ANP32A: variants seen among roughly 807,000 people sequenced by gnomAD.
ANP32A encodes the protein acidic leucine-rich nuclear phosphoprotein 32 family member A.
Under a neutral mutation model 33.9 loss-of-function variants are expected in ANP32A, and 1 was observed. The observed-to-expected ratio is 0.03, with a 90% CI of 0.01 to 0.14. The LOEUF (loss-of-function observed/expected upper bound fraction) is 0.14. Ranked by LOEUF, ANP32A falls within the 10% of genes least tolerant of loss-of-function variation. ANP32A has a pLI of 1.00. For synonymous variants in ANP32A, 115 were observed against 120.5 expected (o/e 0.95, Z 0.30); for missense variants, 155 against 306.0 (o/e 0.51, Z 3.68).
chr15:68,792,173 G>A (rs1201762598), intron 1 of ANP32A: 3 of 151,198 alleles, frequency 2.0e-5, no homozygotes, highest in Admixed American at 6.6e-5. Flanking sequence ...CAAGTCCTGG[G>A]TGTGAGTGAA....
chr15:68,816,736 G>T (rs771970192), intron 1 of ANP32A, among the ~76,000 whole-genome samples: 11 of 152,150 alleles, frequency 7.2e-5, no homozygotes, highest in African/African-American at 1.2e-4. Context: ...ACAAGGGCAG[G>T]TAAACGTATC....
intron 1 of ANP32A, chr15:68,818,286 C>T (rs1286805851): frequency 7.5e-6 from 2 of 267,290 alleles, no homozygotes; most frequent in Non-Finnish European, 1.6e-5. Context: ...TGGCCACCAG[C>T]TCCCGGAGCC....
rs970501708 is a variant in ANP32A, at chr15:68,784,206, T to G, written c.526+191A>C. ...AACCAATGAGACAGATTAGGGACTATGGAAAACAAAGCAGACAGCCCTACT... is the reference window on the plus strand; with the variant it reads ...AACCAATGAGACAGATTAGGGACTAGGGAAAACAAAGCAGACAGCCCTACT... On this transcript the variant is annotated intron_variant, in intron 4 of 6. Coordinates refer to ENST00000465139, the MANE Select transcript of ANP32A (RefSeq NM_006305.4). 4 of 631,868 alleles carry G rather than the reference T, an allele frequency of 6.3e-6. No individual in the cohort carries two copies. The African/African-American group carries it at 7.3e-5, about 12-fold the overall frequency. The allele number at this position is 631,868 out of a possible 1,614,324, so 39.1% of individuals were successfully genotyped here.
intron 1 of ANP32A, chr15:68,789,606 T>G (rs557628909): frequency 1.3e-5 from 2 of 152,552 alleles, no homozygotes; most frequent in South Asian, 4.1e-4. Context: ...CTCAGCCCCC[T>G]CTTGCCAGTG....
At chr15:68,815,077 T>G (rs1363525180) in intron 1 of ANP32A, among the ~76,000 whole-genome samples, 1 of 152,224 alleles carries the variant, frequency 6.6e-6, no homozygotes, top group Admixed American at 6.5e-5. Flanking sequence ...TCTCTTCCTA[T>G]GGAGGTTCCT....
chr15:68,808,151 T>C (rs1182838135), intron 1 of ANP32A, among the ~76,000 whole-genome samples: 2 of 152,224 alleles, frequency 1.3e-5, no homozygotes. Flanking sequence ...TACTTCTTCC[T>C]ACCTGCTGTG....
intron 1 of ANP32A, chr15:68,818,102 C>T (rs1020830095): frequency 6.5e-6 from 1 of 153,392 alleles, no homozygotes; most frequent in African/African-American, 2.4e-5. Context: ...TAGAAAGCCA[C>T]AAGGCCGGCC....
In ANP32A at chr15:68,807,429, G is replaced by GGC. The variant is rs1555424026; in HGVS notation, c.54+13268_54+13269insGC. ...TCCCGCCCCACCTCCACAGAAAACGGGGGGGGGGGAGTCTCTCCTTTGCCC... is the reference window on the plus strand; with the variant it reads ...TCCCGCCCCACCTCCACAGAAAACGGGCGGGGGGGGGAGTCTCTCCTTTGCCC... On this transcript the variant is annotated intron_variant, in intron 1 of 6. Transcript: ENST00000465139. Among the ~76,000 whole-genome samples, 53 of 131,578 alleles carry GGC rather than the reference G, an allele frequency of 4.0e-4. 2 individuals carry two copies. Among genetic ancestry groups the GGC allele is most frequent in the South Asian group, 1.7e-3 (7 of 4,100 alleles). 86.3% of individuals were successfully genotyped at this position (131,578 alleles called of 152,430 possible). A position where few individuals can be genotyped will look rare whatever the true frequency, so the allele number is the denominator to read the frequency against.
intron 1 of ANP32A, among the ~76,000 whole-genome samples, chr15:68,796,947 C>T (rs1212189386): frequency 6.6e-6 from 1 of 152,062 alleles, no homozygotes; most frequent in African/African-American, 2.4e-5. Flanking sequence ...AAGAACGTGG[C>T]CAATTTCATG....
chr15:68,795,418 G>C (rs1894051208), intron 1 of ANP32A, among the ~76,000 whole-genome samples: 1 of 152,216 alleles, frequency 6.6e-6, no homozygotes, highest in South Asian at 2.1e-4. Flanking sequence ...GGGAGCCAAG[G>C]AACACAAGCT....
intron 1 of ANP32A, among the ~76,000 whole-genome samples, chr15:68,792,913 C>G (rs1894016345): frequency 6.6e-6 from 1 of 152,182 alleles, no homozygotes; most frequent in South Asian, 2.1e-4. Flanking sequence ...CTTCTCACTG[C>G]CTTGGGAAAA....
chr15:68,781,948 CGGCT>C (rs1301099100), intron 5 of ANP32A, among the ~76,000 whole-genome samples: 1 of 152,124 alleles, frequency 6.6e-6, no homozygotes, highest in East Asian at 1.9e-4. Flanking sequence ...AAGCCTGGGC[CGGCT>C]GGCTGGAACT....
rs1047042232 is a variant in ANP32A at position 68,780,881 on chromosome 15, TG to T, written c.625-409del. 1 of 164,368 alleles carries T rather than the reference TG, an allele frequency of 6.1e-6. No individual in the cohort carries two copies. The highest frequency in any genetic ancestry group is 2.4e-5 in the African/African-American group (1 of 41,618). 10.2% of individuals were successfully genotyped at this position (164,368 alleles called of 1,614,324 possible). On this transcript the variant is annotated intron_variant, in intron 5 of 6. Coordinates refer to ENST00000465139, the MANE Select transcript of ANP32A (RefSeq NM_006305.4). This position sits in a 1 kb window ranked among gnomAD's most constrained non-coding sequence, Gnocchi z 4.3. ...AAAGTAGGCCATCCTTTCTTGCATC[TG>T]TCCTCAATCTAGTTTTGGCTTCAAG...
chr15:68,790,643 G>A (rs1893987757), intron 1 of ANP32A: 1 of 152,206 alleles, frequency 6.6e-6, no homozygotes. Context: ...ACTCCTTGGG[G>A]TGTGTTCTCT....
intron 1 of ANP32A, among the ~76,000 whole-genome samples, chr15:68,807,307 AC>A (rs1894243795): frequency 6.7e-6 from 1 of 148,968 alleles, no homozygotes; most frequent in East Asian, 1.9e-4. Flanking sequence ...GGCTAGGGTC[AC>A]GGAGCAACTG....
chr15:68,803,576 C>T (rs1894168193), intron 1 of ANP32A, among the ~76,000 whole-genome samples: 1 of 152,180 alleles, frequency 6.6e-6, no homozygotes, highest in South Asian at 2.1e-4. Flanking sequence ...ATGCTTCTCA[C>T]CTGCGTGCAC....
Position 68,782,978 on chromosome 15 carries a change from T to C in ANP32A, c.602A>G (p.Glu201Gly). Residue 201 changes from glutamate to glycine, a missense_variant, in exon 5 of 7, where the codon GAG (glutamate) becomes GGG (glycine). Around this residue, in one of 4 missense-constraint regions of ANP32A, gnomAD observed 63 missense variants for 82.8 expected, o/e 0.76. Transcript: ENST00000465139. ...DEDEEEEGEEEDVSGEEEEDE... is the reference protein window; with the variant it reads ...DEDEEEEGEEGDVSGEEEEDE... Reference sequence around the variant, plus strand: ...TACCTCCTCCTCTCCACTCACGTCCTCCTCTTCACCTTCCTCCTCCTCATC... The same window carrying C: ...TACCTCCTCCTCTCCACTCACGTCCCCCTCTTCACCTTCCTCCTCCTCATC... The C allele has an allele frequency of 6.4e-7, 1 of 1,551,912 alleles. No individual in the cohort carries two copies. Among genetic ancestry groups the C allele is most frequent in the Non-Finnish European group, 8.7e-7 (1 of 1,146,952 alleles).
rs1456433787 is a variant in ANP32A, at chr15:68,780,228, A to G, written c.689-86T>C. The G allele has an allele frequency of 1.3e-6, 2 of 1,573,478 alleles. No individual in the cohort carries two copies. The highest frequency in any genetic ancestry group is 8.7e-7 in the Non-Finnish European group (1 of 1,152,462). On this transcript the variant is annotated intron_variant, in intron 6 of 6. Coordinates refer to ENST00000465139, the MANE Select transcript of ANP32A (RefSeq NM_006305.4). The surrounding 1 kb of genome is among the most constrained non-coding windows in gnomAD (Gnocchi z 4.3). ...CACCCAGTGAGAAGTCAGGGGACCC[A>G]TGACTAGCAAGCTGTGCCATCCTTG...
rs539894717 is a variant in ANP32A at position 68,780,009 on chromosome 15, G to T, written c.*72C>A. On this transcript the variant is annotated 3_prime_UTR_variant, in exon 7 of 7. Coordinates refer to ENST00000465139, the MANE Select transcript of ANP32A (RefSeq NM_006305.4). The surrounding 1 kb of genome is among the most constrained non-coding windows in gnomAD (Gnocchi z 4.3). ...TAAGTTTCAGGGGGCAGGATTGGAG[G>T]GGGGGGGGAGAGGGGATATGGGTAA... 4.2e-5 allele frequency: 57 copies of T among 1,358,246 alleles called. No individual in the cohort carries two copies. Among genetic ancestry groups the T allele is most frequent in the African/African-American group, 1.4e-4 (9 of 63,264 alleles). 84.1% of individuals were successfully genotyped at this position (1,358,246 alleles called of 1,614,324 possible). A position where few individuals can be genotyped will look rare whatever the true frequency, so the allele number is the denominator to read the frequency against.
Sources: allele counts gnomAD v4.1 joint callset (sites outside exome capture counted in the v4.1 genomes callset), GRCh38; gene constraint gnomAD v4.1.1; regional missense constraint gnomAD v4.1.1; non-coding constraint Gnocchi (gnomAD v3.1); transcripts MANE v1.5; gene names NCBI Gene and HGNC (gene_info 2026-07-23, HGNC 2026-07-21).